SLC9A9: variants seen among roughly 807,000 people sequenced by gnomAD.
SLC9A9 encodes the protein sodium/hydrogen exchanger 9.
SLC9A9 carries 62 observed loss-of-function variants against 77.8 expected under a neutral mutation model. The ratio of observed to expected loss-of-function variants is 0.80; its 90% CI spans 0.65 to 0.98. The LOEUF is 0.98. Ranked by LOEUF, SLC9A9 falls within the 50% of genes least tolerant of loss-of-function variation. The pLI, the probability that SLC9A9 is intolerant of heterozygous loss-of-function variation, is 0.00. For missense variants in SLC9A9, 775 were observed against 774.9 expected, an observed-to-expected ratio of 1.00 and a Z score of 0.00; for synonymous variants, 320 against 283.5, an observed-to-expected ratio of 1.13 and a Z score of -1.29.
At chr3:143,664,354 G>A (rs532520725) in intron 5 of SLC9A9, among the ~76,000 whole-genome samples, 3 of 152,228 alleles carry the variant, frequency 2.0e-5, no homozygotes, top group East Asian at 3.9e-4. Flanking sequence ...AGGAACAACC[G>A]GTACCAGCCA....
At chr3:143,312,775 G>A (rs1253027466) in intron 14 of SLC9A9, among the ~76,000 whole-genome samples, 1 of 152,148 alleles carries the variant, frequency 6.6e-6, no homozygotes, top group Non-Finnish European at 1.5e-5. Context: ...TCAGTCATTT[G>A]AGGACCGAAG....
At chr3:143,614,647 T>C (rs2038075090) in intron 6 of SLC9A9, among the ~76,000 whole-genome samples, 1 of 152,082 alleles carries the variant, frequency 6.6e-6, no homozygotes, top group Non-Finnish European at 1.5e-5. Flanking sequence ...AGGTTTTTTA[T>C]CTCTCTATTA....
At chr3:143,349,603 G>C (rs1165468887) in intron 14 of SLC9A9, among the ~76,000 whole-genome samples, 2 of 152,186 alleles carry the variant, frequency 1.3e-5, no homozygotes, top group African/African-American at 4.8e-5. Context: ...AAGGTTCAGA[G>C]AGTTCAAGTA....
In SLC9A9 at chr3:143,843,172, G is replaced by C. The variant is rs540807544; in HGVS notation, c.175+4976C>G. Among the ~76,000 whole-genome samples, 8 of 152,272 alleles carry C rather than the reference G, an allele frequency of 5.3e-5. No homozygotes were observed. The South Asian group carries it at 1.2e-3, about 24-fold the overall frequency. On this transcript the variant is annotated intron_variant, in intron 1 of 15. Coordinates refer to ENST00000316549, the MANE Select transcript of SLC9A9 (RefSeq NM_173653.4). ...GGAAGGACCTTCAGCCAGCGGGAAGGGGGTGAAGTAGTAGGAAGCATCTCC... is the reference window on the plus strand; with the variant it reads ...GGAAGGACCTTCAGCCAGCGGGAAGCGGGTGAAGTAGTAGGAAGCATCTCC...
intron 5 of SLC9A9, among the ~76,000 whole-genome samples, chr3:143,674,658 A>G (rs1434879546): frequency 6.6e-6 from 1 of 152,182 alleles, no homozygotes; most frequent in Non-Finnish European, 1.5e-5. Context: ...TACTACTCCC[A>G]GAGGTAGAAA....
intron 7 of SLC9A9, among the ~76,000 whole-genome samples, chr3:143,578,150 G>C (rs1317853064): frequency 1.3e-5 from 2 of 152,288 alleles, no homozygotes; most frequent in East Asian, 1.9e-4. Context: ...GAGCTACCCT[G>C]TAAGCTAGTG....
chr3:143,434,984 A>T (rs2034594428), intron 12 of SLC9A9, among the ~76,000 whole-genome samples: 1 of 152,154 alleles, frequency 6.6e-6, no homozygotes, highest in Admixed American at 6.5e-5. Context: ...CCTTGTCTGC[A>T]GCCCAGGCCC....
intron 9 of SLC9A9, among the ~76,000 whole-genome samples, chr3:143,537,905 C>T (rs1248632616): frequency 1.3e-5 from 2 of 152,194 alleles, no homozygotes; most frequent in East Asian, 3.8e-4. Flanking sequence ...AGGAATTTTC[C>T]TCTTAAAGGT....
intron 4 of SLC9A9, among the ~76,000 whole-genome samples, chr3:143,737,679 T>C (rs1168876377): frequency 6.6e-6 from 1 of 152,250 alleles, no homozygotes; most frequent in African/African-American, 2.4e-5. Flanking sequence ...CCTATACTAA[T>C]GTTTTATATG....
At chr3:143,319,616 T>TAATTCAGAG (rs1379920843) in intron 14 of SLC9A9, among the ~76,000 whole-genome samples, 4 of 152,192 alleles carry the variant, frequency 2.6e-5, no homozygotes, top group Admixed American at 1.3e-4. Flanking sequence ...AACCAGCCTC[T>TAATTCAGAG]GAATTAGCAA....
intron 11 of SLC9A9, among the ~76,000 whole-genome samples, chr3:143,480,989 C>A (rs1037618938): frequency 6.6e-6 from 1 of 152,124 alleles, no homozygotes; most frequent in Non-Finnish European, 1.5e-5. Flanking sequence ...TTAAAGAAAT[C>A]TTTTTTCCTA....
At chr3:143,627,901 T>C (rs890609853) in intron 6 of SLC9A9, among the ~76,000 whole-genome samples, 10 of 152,206 alleles carry the variant, frequency 6.6e-5, no homozygotes, top group African/African-American at 1.9e-4. Flanking sequence ...AAACAAATAG[T>C]TGGAAGCTGG....
chr3:143,370,603 C>T (rs996258574), intron 13 of SLC9A9, among the ~76,000 whole-genome samples: 1 of 78,288 alleles, frequency 1.3e-5, no homozygotes, highest in East Asian at 3.8e-4. Context: ...ACACACACAC[C>T]CTAACAAATA....
chr3:143,295,643 G>T (rs1185019205), intron 14 of SLC9A9, among the ~76,000 whole-genome samples: 1 of 152,146 alleles, frequency 6.6e-6, no homozygotes, highest in African/African-American at 2.4e-5. Context: ...GTCATTAACT[G>T]ACAATGAGCC....
intron 5 of SLC9A9, 50 bp from the exon 6 acceptor site, chr3:143,652,410 G>A (rs377412846): frequency 1.3e-4 from 190 of 1,417,516 alleles, no homozygotes; most frequent in Non-Finnish European, 1.8e-4. Context: ...CAGGCATGGA[G>A]TTTTCCTTGG....
rs192191290 is a variant in SLC9A9, at chr3:143,815,313, G to C, written c.378+16706C>G. Among the ~76,000 whole-genome samples the C allele has an allele frequency of 6.6e-4, 101 of 152,262 alleles. No homozygotes were observed. In the East Asian group the frequency reaches 0.016, roughly 24 times the overall value. ...TACCAAAGAGCCCTTGTACATGGCA[G>C]GCACTTGTCAAAGAAATGGGTCAGA... On this transcript the variant is annotated intron_variant, in intron 2 of 15. Transcript: ENST00000316549.
At chr3:143,499,057 T>C (rs2035886920) in intron 9 of SLC9A9, among the ~76,000 whole-genome samples, 1 of 152,352 alleles carries the variant, frequency 6.6e-6, no homozygotes, top group East Asian at 1.9e-4. Flanking sequence ...CCCAAAGCGG[T>C]GGTATCAATT....
intron 9 of SLC9A9, among the ~76,000 whole-genome samples, chr3:143,549,524 G>C (rs551883293): frequency 1.3e-5 from 2 of 152,212 alleles, no homozygotes; most frequent in Admixed American, 1.3e-4. Flanking sequence ...AAAAAAGGCA[G>C]TGTGGGGAAC....
chr3:143,355,696 G>A (rs1243588385), intron 14 of SLC9A9, among the ~76,000 whole-genome samples: 1 of 152,190 alleles, frequency 6.6e-6, no homozygotes, highest in African/African-American at 2.4e-5. Flanking sequence ...ACAGCTCTGT[G>A]GGAATTTCTT....
Sources: allele counts gnomAD v4.1 joint callset (sites outside exome capture counted in the v4.1 genomes callset), GRCh38; gene constraint gnomAD v4.1.1; transcripts MANE v1.5; gene names NCBI Gene and HGNC (gene_info 2026-07-23, HGNC 2026-07-21).